Variants in MRC2 observed in about 807,000 individuals in gnomAD.
MRC2 encodes the protein mannose receptor C-type 2, also known as C-type mannose receptor 2.
MRC2 carries 84 observed loss-of-function variants against 206.2 expected under a neutral mutation model. The ratio of observed to expected loss-of-function variants is 0.41; its 90% confidence interval spans 0.34 to 0.49. MRC2 has a LOEUF of 0.49. Ranked by LOEUF, MRC2 falls within the 20% of genes least tolerant of loss-of-function variation. The probability of loss-of-function intolerance (pLI) is 0.31; values close to 1 mark genes in which losing one functional copy is unlikely to be tolerated. For synonymous variants in MRC2, 798 were observed against 800.0 expected (o/e 1.00, Z 0.04); for missense variants, 1,676 against 2,001.5 (o/e 0.84, Z 3.10).
intron 27 of MRC2, 30 bp from the exon 28 acceptor site, chr17:62,690,917 TCC>T (rs775347692): frequency 1.9e-5 from 29 of 1,548,062 alleles, no homozygotes; most frequent in Non-Finnish European, 2.4e-5. Context: ...CCCCACCTTG[TCC>T]CTGCTCCCTC....
intron 23 of MRC2, 146 bp downstream of exon 23, chr17:62,689,106 A>G (rs1435656267): frequency 8.8e-6 from 6 of 682,030 alleles, no homozygotes; most frequent in Non-Finnish European, 1.5e-5. Flanking sequence ...CAAGGTGCCA[A>G]TAAGATGGAA....
chr17:62,670,662 C>T (rs1478233487), intron 6 of MRC2, among the ~76,000 whole-genome samples: 1 of 152,188 alleles, frequency 6.6e-6, no homozygotes, highest in Admixed American at 6.5e-5. Context: ...GAAATCGGGG[C>T]AAGGGAGGGC....
intron 1 of MRC2, among the ~76,000 whole-genome samples, chr17:62,663,013 G>T (rs928547812): frequency 1.3e-5 from 2 of 152,202 alleles, no homozygotes; most frequent in African/African-American, 2.4e-5. Flanking sequence ...GCTAGTGGAT[G>T]CAAAAGTTCT....
At chr17:62,630,019 G>A (rs1234808922) in intron 1 of MRC2, among the ~76,000 whole-genome samples, 3 of 152,020 alleles carry the variant, frequency 2.0e-5, no homozygotes, top group South Asian at 4.1e-4. Flanking sequence ...GGAGTGGCCC[G>A]CGGAGACTGT....
Position 62,671,637 on chromosome 17 carries a change from G to C in MRC2, c.1118-12G>C. The C allele has an allele frequency of 6.4e-7, 1 of 1,553,218 alleles. No homozygotes were observed. The highest frequency in any genetic ancestry group is 8.7e-7 in the Non-Finnish European group (1 of 1,147,282). On this transcript the variant is annotated splice_polypyrimidine_tract_variant and intron_variant, in intron 6 of 29. Transcript: ENST00000303375. The surrounding 1 kb of genome is among the most constrained non-coding windows in gnomAD (Gnocchi z 4.5). ...CTCAGTCCCTGAGCAGCAGCCTCATGGGTCTCTGCAGACAGGTGGGCCAAT... is the reference window on the plus strand; with the variant it reads ...CTCAGTCCCTGAGCAGCAGCCTCATCGGTCTCTGCAGACAGGTGGGCCAAT...
Position 62,680,230 on chromosome 17 carries a change from G to A in MRC2, c.2359G>A (p.Val787Met). 2 of 1,614,164 alleles carry A rather than the reference G, an allele frequency of 1.2e-6. No homozygotes were observed. The highest frequency in any genetic ancestry group is 2.2e-5 in the East Asian group (1 of 44,876). ...CGACGACGACATCCGAGGCTGTGCGGTGCTGGACCTGGCCTCCCTGCAGTG... is the reference window on the plus strand; with the variant it reads ...CGACGACGACATCCGAGGCTGTGCGATGCTGGACCTGGCCTCCCTGCAGTG... ...HDDDDIRGCA[V>M]LDLASLQWVA... The change falls in exon 15 of 30, where the codon GTG (valine) becomes ATG (methionine). Residue 787 changes from valine (V) to methionine (M), a missense_variant. By Grantham distance (21) the Val-to-Met change is conservative (BLOSUM62 1). Around this residue, in one of 3 missense-constraint regions of MRC2, gnomAD observed 1,354 missense variants for 1,636.6 expected, o/e 0.83. Coordinates refer to ENST00000303375, the MANE Select transcript of MRC2 (RefSeq NM_006039.5). This position sits in a 1 kb window ranked among gnomAD's most constrained non-coding sequence, Gnocchi z 4.8.
At chr17:62,683,280 C>G (rs184733039) in intron 20 of MRC2, among the ~76,000 whole-genome samples, 1 of 149,670 alleles carries the variant, frequency 6.7e-6, no homozygotes, top group African/African-American at 2.5e-5. Flanking sequence ...ACCAGCCTGA[C>G]CAACATGGAG....
intron 6 of MRC2, among the ~76,000 whole-genome samples, chr17:62,668,387 T>TAAAA (rs1428802687): frequency 0.01 from 1,530 of 146,122 alleles, 15 homozygotes; most frequent in Middle Eastern, 0.017. Context: ...AATAAATAAA[T>TAAAA]TTAAAAAAAA....
intron 2 of MRC2, among the ~76,000 whole-genome samples, chr17:62,665,338 G>A (rs2088736934): frequency 6.6e-6 from 1 of 151,286 alleles, no homozygotes; most frequent in African/African-American, 2.4e-5. Flanking sequence ...AGGAGGCAGA[G>A]GTTGCACTGA....
rs749578061 is a variant in MRC2, at chr17:62,666,642, C to A, written c.859+23C>A. On this transcript the variant is annotated intron_variant, in intron 4 of 29. Coordinates refer to ENST00000303375, the MANE Select transcript of MRC2 (RefSeq NM_006039.5). This position sits in a 1 kb window ranked among gnomAD's most constrained non-coding sequence, Gnocchi z 5.0. ...ACGGTGAGCCGGGGCCTGATGCCTGCTCGTGCCTCTGGAGGGCCCGGGCCC... is the reference window on the plus strand; with the variant it reads ...ACGGTGAGCCGGGGCCTGATGCCTGATCGTGCCTCTGGAGGGCCCGGGCCC... 3.9e-6 allele frequency: 6 copies of A among 1,549,804 alleles called. No individual in the cohort carries two copies. Among genetic ancestry groups the A allele is most frequent in the Non-Finnish European group, 5.2e-6 (6 of 1,146,758 alleles).
chr17:62,686,156 CTCCTATGAGAA>C (rs752246853), intron 20 of MRC2, among the ~76,000 whole-genome samples: 2 of 152,108 alleles, frequency 1.3e-5, no homozygotes, highest in Admixed American at 6.5e-5. Flanking sequence ...AGGGTTCGCA[CTCCTATGAGAA>C]TCTTGGCTGG....
In MRC2 at chr17:62,666,728, C is replaced by A; in HGVS notation, c.860-29C>A. The A allele has an allele frequency of 6.2e-7, 1 of 1,608,902 alleles. No homozygotes were observed. On this transcript the variant is annotated intron_variant, in intron 4 of 29. Transcript: ENST00000303375. The surrounding 1 kb of genome is among the most constrained non-coding windows in gnomAD (Gnocchi z 5.0). ...GCGGGGGAGGCTGGGGCTGGGGATC[C>A]CCTGTTCAGTGTCCCTCCTTGCTGT...
At chr17:62,677,670 G>A (rs1054947353) in intron 12 of MRC2, among the ~76,000 whole-genome samples, 184 bp downstream of exon 12, 1 of 152,200 alleles carries the variant, frequency 6.6e-6, no homozygotes, top group Non-Finnish European at 1.5e-5. Context: ...TTGAGGAATT[G>A]AGGGAACCAC....
intron 1 of MRC2, among the ~76,000 whole-genome samples, chr17:62,660,170 GA>G (rs950538449): frequency 1.8e-4 from 27 of 152,216 alleles, no homozygotes; most frequent in Non-Finnish European, 2.5e-4. Context: ...AGGTAGAGAG[GA>G]AAAAATCCTT....
At position 62,692,705 on chromosome 17, in the gene MRC2, T is replaced by C; in HGVS notation, c.*254T>C. 4.4e-6 allele frequency: 2 copies of C among 459,330 alleles called. No homozygotes were observed. Among genetic ancestry groups the C allele is most frequent in the Non-Finnish European group, 4.0e-6 (1 of 250,856 alleles). 28.5% of individuals were successfully genotyped at this position (459,330 alleles called of 1,614,324 possible). A position where few individuals can be genotyped will look rare whatever the true frequency, so the allele number is the denominator to read the frequency against. ...GGCCTGAGGTCTTGTCACCTGGTCCTGTGCCCCCACAGGAACCAGAGGTAG... is the reference window on the plus strand; with the variant it reads ...GGCCTGAGGTCTTGTCACCTGGTCCCGTGCCCCCACAGGAACCAGAGGTAG... On this transcript the variant is annotated 3_prime_UTR_variant, in exon 30 of 30. Coordinates refer to ENST00000303375, the MANE Select transcript of MRC2 (RefSeq NM_006039.5). The surrounding 1 kb of genome is among the most constrained non-coding windows in gnomAD (Gnocchi z 4.2).
At chr17:62,642,796 A>G (rs1248229083) in intron 1 of MRC2, among the ~76,000 whole-genome samples, 1 of 152,162 alleles carries the variant, frequency 6.6e-6, no homozygotes, top group Admixed American at 6.6e-5. Flanking sequence ...CATAGTCTTA[A>G]AAAAGCAAAG....
intron 1 of MRC2, among the ~76,000 whole-genome samples, chr17:62,641,307 CTG>C (rs1310845017): frequency 7.1e-6 from 1 of 141,696 alleles, no homozygotes; most frequent in Non-Finnish European, 1.5e-5. Flanking sequence ...CAGACCGAGA[CTG>C]TCTCAGAAAA....
At chr17:62,628,036 C>CGT (rs984975296) in intron 1 of MRC2, 116 bp downstream of exon 1, 41 of 641,148 alleles carry the variant, frequency 6.4e-5, no homozygotes, top group Middle Eastern at 2.7e-4. Flanking sequence ...AGCGTGTGTG[C>CGT]GTGTGTGTGT....
At position 62,664,828 on chromosome 17, in the gene MRC2, C is replaced by T; in HGVS notation, c.399C>T (p.Leu133=). 2.5e-6 allele frequency: 4 copies of T among 1,613,850 alleles called. No individual in the cohort carries two copies. The highest frequency in any genetic ancestry group is 3.4e-6 in the Non-Finnish European group (4 of 1,180,032). Residue 133 remains leucine (L), a synonymous_variant, in exon 2 of 30, where the codon CTC becomes CTT. Transcript: ENST00000303375. The surrounding 1 kb of genome is among the most constrained non-coding windows in gnomAD (Gnocchi z 4.7). ...CACTGGGTGACCAGCTGTCCTTGCTCCTGGGGGCCCGCACCAGCAACATAT... is the reference window on the plus strand; with the variant it reads ...CACTGGGTGACCAGCTGTCCTTGCTTCTGGGGGCCCGCACCAGCAACATAT... ...CRTLGDQLSL[L]LGARTSNISK...
Sources: allele counts gnomAD v4.1 joint callset (sites outside exome capture counted in the v4.1 genomes callset), GRCh38; gene constraint gnomAD v4.1.1; regional missense constraint gnomAD v4.1.1; non-coding constraint Gnocchi (gnomAD v3.1); transcripts MANE v1.5; gene names NCBI Gene and HGNC (gene_info 2026-07-23, HGNC 2026-07-21).